PLOD3: variants seen among roughly 807,000 people sequenced by gnomAD.
The protein encoded by PLOD3 is procollagen-lysine,2-oxoglutarate 5-dioxygenase 3.
A neutral mutation model predicts 96.9 loss-of-function variants in PLOD3; 73 were observed. The observed-to-expected ratio is 0.75, with a 90% confidence interval of 0.62 to 0.92. The LOEUF (loss-of-function observed/expected upper bound fraction) is 0.92. PLOD3 is among the 40% of genes least tolerant of loss of function. The pLI is 0.00. For synonymous variants in PLOD3, 454 were observed against 413.7 expected (o/e 1.10, Z -1.18); for missense variants, 1,004 against 1,004.3 (o/e 1.00, Z 0.00).
In PLOD3 at chr7:101,216,391, C is replaced by A. The variant is rs779503421; in HGVS notation, c.338+19G>T. On this transcript the variant is annotated intron_variant, in intron 3 of 18. Coordinates refer to ENST00000223127, the MANE Select transcript of PLOD3 (RefSeq NM_001084.5). ...AACCTCAGCATCCTTACCCCGCTCC[C>A]TATCCCCAGCCCCGTTACCTATCCA... is the stretch of plus-strand genomic sequence containing the variant. 1 of 1,614,062 alleles carries A rather than the reference C, an allele frequency of 6.2e-7. No individual in the cohort carries two copies. Among genetic ancestry groups the A allele is most frequent in the East Asian group, 2.2e-5 (1 of 44,888 alleles).
chr7:101,207,428 T>C, intron 17 of PLOD3, 150 bp downstream of exon 17: 1 of 801,032 alleles, frequency 1.2e-6, no homozygotes, highest in Non-Finnish European at 2.0e-6. Flanking sequence ...CTCCCTCCCC[T>C]GGGGTGCCTC....
At chr7:101,210,239 G>C in intron 14 of PLOD3, 78 bp from the exon 15 acceptor site, 1 of 1,479,612 alleles carries the variant, frequency 6.8e-7, no homozygotes, top group Non-Finnish European at 9.3e-7. Flanking sequence ...CTCCCACTCA[G>C]TGTCCTGCGC....
intron 6 of PLOD3, among the ~76,000 whole-genome samples, chr7:101,213,783 C>T (rs1798226218): frequency 6.6e-6 from 1 of 152,124 alleles, no homozygotes; most frequent in African/African-American, 2.4e-5. Flanking sequence ...ATTGCAACTT[C>T]CACCTCCAGG....
At chr7:101,216,850 T>A (rs1456266506) in intron 1 of PLOD3, 64 bp from the exon 2 acceptor site, 1 of 1,094,256 alleles carries the variant, frequency 9.1e-7, no homozygotes, top group Non-Finnish European at 1.4e-6. Flanking sequence ...CGTGCTTTGC[T>A]GTCCTCCCTC....
Position 101,210,319 on chromosome 7 carries a change from GT to G in PLOD3, c.1614+11del. The G allele has an allele frequency of 6.2e-7, 1 of 1,601,686 alleles. No individual in the cohort carries two copies. The highest frequency in any genetic ancestry group is 2.2e-5 in the East Asian group (1 of 44,794). ...GGAACCTGTGTGCTCTGGGCGTGGG[GT>G]CCCCACTCACGACGGGGTTGTCGAA... On this transcript the variant is annotated intron_variant, in intron 14 of 18. Coordinates refer to ENST00000223127, the MANE Select transcript of PLOD3 (RefSeq NM_001084.5).
intron 18 of PLOD3, 67 bp downstream of exon 18, chr7:101,206,712 G>C: frequency 6.6e-7 from 1 of 1,526,134 alleles, no homozygotes; most frequent in Non-Finnish European, 8.9e-7. Context: ...GATGCACGCA[G>C]GGGCTCTAGG....
At chr7:101,210,805 G>A in intron 12 of PLOD3, 132 bp from the exon 13 acceptor site, 1 of 975,536 alleles carries the variant, frequency 1.0e-6, no homozygotes. Context: ...CCCTTGTCAA[G>A]CACTGCTGGT....
intron 17 of PLOD3, 58 bp from the exon 18 acceptor site, chr7:101,206,962 T>C: frequency 6.5e-7 from 1 of 1,528,172 alleles, no homozygotes; most frequent in Non-Finnish European, 8.8e-7. Flanking sequence ...GGGTCTTTTA[T>C]TTTGTATTAT....
At chr7:101,206,561 T>G in intron 18 of PLOD3, 125 bp from the exon 19 acceptor site, 1 of 1,001,158 alleles carries the variant, frequency 1.0e-6, no homozygotes, top group Admixed American at 2.0e-5. Flanking sequence ...ACAAGGGAGA[T>G]GGCAGATATG....
chr7:101,206,085 GGA>G lies in PLOD3; in HGVS notation c.*194_*195del. The G allele has an allele frequency of 2.9e-6, 2 of 679,270 alleles. No homozygotes were observed. Among genetic ancestry groups the G allele is most frequent in the Non-Finnish European group, 2.6e-6 (1 of 378,682 alleles). 42.1% of individuals were successfully genotyped at this position (679,270 alleles called of 1,614,324 possible). The stretch of plus-strand genomic sequence containing the variant: ...GTGCCCACGAACCCCTGTGGGCGGA[GGA>G]GAGAGGCGGGGACTCCGGGAGCTTC... On this transcript the variant is annotated 3_prime_UTR_variant, in exon 19 of 19. Coordinates refer to ENST00000223127, the MANE Select transcript of PLOD3 (RefSeq NM_001084.5).
At position 101,206,086 on chromosome 7, in the gene PLOD3, G is replaced by A; in HGVS notation, c.*195C>T. The A allele has an allele frequency of 2.9e-6, 2 of 680,554 alleles. No homozygotes were observed. Among genetic ancestry groups the A allele is most frequent in the Admixed American group, 4.3e-5 (2 of 46,120 alleles). 42.2% of individuals were successfully genotyped at this position (680,554 alleles called of 1,614,324 possible). On this transcript the variant is annotated 3_prime_UTR_variant, in exon 19 of 19. Coordinates refer to ENST00000223127, the MANE Select transcript of PLOD3 (RefSeq NM_001084.5). The stretch of plus-strand genomic sequence containing the variant: ...TGCCCACGAACCCCTGTGGGCGGAG[G>A]AGAGAGGCGGGGACTCCGGGAGCTT...
rs1156315462 is a variant in PLOD3 at position 101,217,218 on chromosome 7, G to GGGCAGCAGCAGC, written c.45_56dup (p.Leu16_Pro19dup). 6 of 1,501,714 alleles carry GGGCAGCAGCAGC rather than the reference G, an allele frequency of 4.0e-6. No homozygotes were observed. Among genetic ancestry groups the GGGCAGCAGCAGC allele is most frequent in the Admixed American group, 2.3e-5 (1 of 43,280 alleles). The allele number at this position is 1,501,714 out of a possible 1,614,324, so 93.0% of individuals were successfully genotyped here. A position where few individuals can be genotyped will look rare whatever the true frequency, so the allele number is the denominator to read the frequency against. On this transcript the variant is annotated inframe_insertion, in exon 1 of 19. Coordinates refer to ENST00000223127, the MANE Select transcript of PLOD3 (RefSeq NM_001084.5). ...GCCGGTCGGAGGCTGAGGCCGCAGG[G>GGGCAGCAGCAGC]GGCAGCAGCAGCGGCAGCAGCAGCA...
chr7:101,212,408 A>T (rs1195636723), intron 9 of PLOD3, 34 bp from the exon 10 acceptor site: 1 of 1,599,986 alleles, frequency 6.3e-7, no homozygotes, highest in Admixed American at 1.7e-5. Context: ...ATGGGCTCAG[A>T]GGGCAGGGAG....
intron 15 of PLOD3, among the ~76,000 whole-genome samples, chr7:101,209,309 C>T (rs564965566): frequency 2.0e-5 from 3 of 151,972 alleles, no homozygotes; most frequent in African/African-American, 7.2e-5. Flanking sequence ...TGGGCTCAAG[C>T]GATCCTCCCG....
rs1185720295 is a variant in PLOD3 at position 101,210,514 on chromosome 7, C to T, written c.1500+18G>A. On this transcript the variant is annotated intron_variant, in intron 13 of 18. Coordinates refer to ENST00000223127, the MANE Select transcript of PLOD3 (RefSeq NM_001084.5). ...TCTGGGGGACTGCCCCCAGGCCAGA[C>T]CGTGCACCCGCGCTCACCTTGTCTC... 1 of 1,614,064 alleles carries T rather than the reference C, an allele frequency of 6.2e-7. No homozygotes were observed. The highest frequency in any genetic ancestry group is 1.3e-5 in the African/African-American group (1 of 74,940).
chr7:101,214,243 C>T (rs1798233160), intron 6 of PLOD3, among the ~76,000 whole-genome samples: 1 of 151,968 alleles, frequency 6.6e-6, no homozygotes. Flanking sequence ...TCTCCTGCCT[C>T]AGCCTTCTGA....
At chr7:101,215,208 C>A in intron 5 of PLOD3, 56 bp from the exon 6 acceptor site, 1 of 1,227,998 alleles carries the variant, frequency 8.1e-7, no homozygotes, top group Non-Finnish European at 1.2e-6. Flanking sequence ...GAAAGGACAT[C>A]ATTTCTCACT....
Position 101,208,849 on chromosome 7 carries a change from T to G in PLOD3, c.1788+4A>C. ...GCCTCTGCCCTCCTCGCCCAGGCCCTTACCTCATGCCGGCCGCCTGACCAC... is the reference window on the plus strand; with the variant it reads ...GCCTCTGCCCTCCTCGCCCAGGCCCGTACCTCATGCCGGCCGCCTGACCAC... On this transcript the variant is annotated splice_donor_region_variant and intron_variant, in intron 16 of 18. Transcript: ENST00000223127. The G allele has an allele frequency of 1.3e-6, 2 of 1,598,658 alleles. No homozygotes were observed. Among genetic ancestry groups the G allele is most frequent in the Non-Finnish European group, 1.7e-6 (2 of 1,166,058 alleles).
chr7:101,212,707 G>A (rs1377704333), intron 8 of PLOD3, 52 bp from the exon 9 acceptor site: 2 of 1,609,718 alleles, frequency 1.2e-6, no homozygotes, highest in South Asian at 1.1e-5. Context: ...CTTCCCTGCT[G>A]CCCCCACCCA....
Sources: allele counts gnomAD v4.1 joint callset (sites outside exome capture counted in the v4.1 genomes callset), GRCh38; gene constraint gnomAD v4.1.1; transcripts MANE v1.5; gene names NCBI Gene and HGNC (gene_info 2026-07-23, HGNC 2026-07-21).